The following COPS2 variants were observed in gnomAD, a reference collection of about 807,000 sequenced individuals.
The protein encoded by COPS2 is COP9 signalosome subunit 2.
COPS2 carries 10 observed loss-of-function variants against 66.1 expected under a neutral mutation model. The ratio of observed to expected loss-of-function variants is 0.15; its 90% CI spans 0.09 to 0.26. The LOEUF is 0.26. COPS2 is among the 10% of genes least tolerant of loss of function. COPS2 has a pLI of 1.00. For synonymous variants in COPS2, 179 were observed against 171.3 expected, an observed-to-expected ratio of 1.04 and a Z score of -0.35; for missense variants, 215 against 513.3, an observed-to-expected ratio of 0.42 and a Z score of 5.62.
chr15:49,132,709 A>G (rs935354375), intron 9 of COPS2, among the ~76,000 whole-genome samples: 4 of 151,994 alleles, frequency 2.6e-5, no homozygotes, highest in Admixed American at 6.6e-5. Flanking sequence ...TTAATGAATA[A>G]AACCCACAAA....
In COPS2 at chr15:49,123,200, A is replaced by G. The variant is rs2084138218; in HGVS notation, c.*4750T>C. The G allele has an allele frequency of 6.6e-6, 1 of 152,240 alleles. No homozygotes were observed. The highest frequency in any genetic ancestry group is 1.5e-5 in the Non-Finnish European group (1 of 68,034). The allele number at this position is 152,240 out of a possible 1,614,324, so 9.4% of individuals were successfully genotyped here. On this transcript the variant is annotated 3_prime_UTR_variant, in exon 13 of 13. Transcript: ENST00000388901. ...CACTTGGCATTAATATGTTGCTAAT[A>G]AGCATGCCAAAACTTTTGACAACTT... is the stretch of plus-strand genomic sequence containing the variant.
intron 9 of COPS2, 84 bp downstream of exon 9, chr15:49,133,675 A>G (rs1467842696): frequency 5.7e-6 from 5 of 874,468 alleles, no homozygotes; most frequent in Non-Finnish European, 9.0e-6. Flanking sequence ...GTTGAATATT[A>G]ACTGAGTTCT....
intron 6 of COPS2, among the ~76,000 whole-genome samples, chr15:49,135,208 G>C (rs1387762270): frequency 6.6e-6 from 1 of 152,200 alleles, no homozygotes; most frequent in African/African-American, 2.4e-5. Flanking sequence ...GCAATCTGTG[G>C]ATAAGGGTTG....
chr15:49,137,094 C>T, intron 6 of COPS2, 56 bp downstream of exon 6: 1 of 1,068,656 alleles, frequency 9.4e-7, no homozygotes, highest in South Asian at 1.5e-5. Flanking sequence ...ATAATTATTG[C>T]TTATACTTTT....
At chr15:49,135,099 T>C (rs910761407) in intron 6 of COPS2, among the ~76,000 whole-genome samples, 23 of 152,204 alleles carry the variant, frequency 1.5e-4, no homozygotes, top group Admixed American at 5.2e-4. Context: ...AACAATATAC[T>C]GTAATAAAAG....
At chr15:49,143,000 A>C (rs1248825757) in intron 3 of COPS2, among the ~76,000 whole-genome samples, 2 of 152,216 alleles carry the variant, frequency 1.3e-5, no homozygotes, top group Non-Finnish European at 2.9e-5. Flanking sequence ...AGCAAAGAAG[A>C]AATTTAAGTG....
chr15:49,123,570 C>T lies in COPS2; in HGVS notation c.*4380G>A, dbSNP rs1383193100. The T allele has an allele frequency of 1.3e-5, 2 of 152,128 alleles. No homozygotes were observed. Among genetic ancestry groups the T allele is most frequent in the Non-Finnish European group, 2.9e-5 (2 of 68,018 alleles). The allele number at this position is 152,128 out of a possible 1,614,324, so 9.4% of individuals were successfully genotyped here. On this transcript the variant is annotated 3_prime_UTR_variant, in exon 13 of 13. Transcript: ENST00000388901. The stretch of plus-strand genomic sequence containing the variant: ...TATTACATATGTATACATATGCACA[C>T]AAAAAAGTTTTGGTCAGCTATTCAT...
intron 1 of COPS2, among the ~76,000 whole-genome samples, chr15:49,153,842 C>G (rs1460894799): frequency 1.3e-5 from 2 of 151,878 alleles, no homozygotes; most frequent in Admixed American, 6.6e-5. Context: ...AAGTTGATTT[C>G]ACGGTGGTAG....
intron 1 of COPS2, among the ~76,000 whole-genome samples, chr15:49,147,458 C>G (rs1020175916): frequency 6.6e-5 from 10 of 152,156 alleles, no homozygotes; most frequent in African/African-American, 2.4e-4. Flanking sequence ...GAAAGGTATA[C>G]ATGACAACAG....
chr15:49,146,577 C>T (rs371236574), intron 1 of COPS2, among the ~76,000 whole-genome samples: 46 of 152,168 alleles, frequency 3.0e-4, no homozygotes, highest in African/African-American at 1.1e-3. Flanking sequence ...ACAGCATAAA[C>T]AATGAAAGGT....
chr15:49,135,593 G>A (rs1566883003), intron 6 of COPS2, among the ~76,000 whole-genome samples: 1 of 152,130 alleles, frequency 6.6e-6, no homozygotes, highest in Non-Finnish European at 1.5e-5. Flanking sequence ...TGACTTTAAA[G>A]TTGACCAACA....
chr15:49,133,700 C>T, intron 9 of COPS2, 59 bp downstream of exon 9: 1 of 1,221,484 alleles, frequency 8.2e-7, no homozygotes, highest in Non-Finnish European at 1.2e-6. Context: ...AGTTTTCTCA[C>T]TCTTTCCTTT....
intron 12 of COPS2, 79 bp from the exon 13 acceptor site, chr15:49,128,173 A>T: frequency 7.1e-7 from 1 of 1,401,678 alleles, no homozygotes; most frequent in Admixed American, 2.2e-5. Context: ...CATAAAATAC[A>T]GTATCAACAA....
At position 49,124,021 on chromosome 15, in the gene COPS2, G is replaced by A. The variant is rs1160194781; in HGVS notation, c.*3929C>T. The A allele has an allele frequency of 6.6e-6, 1 of 152,086 alleles. No individual in the cohort carries two copies. The highest frequency in any genetic ancestry group is 1.5e-5 in the Non-Finnish European group (1 of 68,038). The allele number at this position is 152,086 out of a possible 1,614,324, so 9.4% of individuals were successfully genotyped here. ...AAGTTACTATAAATTTAATAATCTC[G>A]AGTTAAAGAGAACCTCCAATTTGTC... On this transcript the variant is annotated 3_prime_UTR_variant, in exon 13 of 13. Transcript: ENST00000388901.
rs1182860686 is a variant in COPS2, at chr15:49,145,076, T to C, written c.57A>G (p.Glu19=). Residue 19 remains glutamate, a splice_region_variant and synonymous_variant, in exon 2 of 13, where the codon GAA becomes GAG. Transcript: ENST00000388901. ...GCTCGGAGTTACTATCTTCAGAGTA[T>C]TCCTGTGTTGGAAAGAAAGAAATAT... The part of the protein sequence containing the change: ...MCDDEEDYDL[E]YSEDSNSEPN... 2 of 1,465,254 alleles carry C rather than the reference T, an allele frequency of 1.4e-6. No homozygotes were observed. Among genetic ancestry groups the C allele is most frequent in the South Asian group, 1.3e-5 (1 of 78,546 alleles). 90.8% of individuals were successfully genotyped at this position (1,465,254 alleles called of 1,614,324 possible).
intron 1 of COPS2, among the ~76,000 whole-genome samples, chr15:49,150,988 T>C (rs2084356678): frequency 6.6e-6 from 1 of 152,194 alleles, no homozygotes; most frequent in South Asian, 2.1e-4. Flanking sequence ...ATCCCAACTA[T>C]GAGCTTGACT....
chr15:49,140,479 G>A lies in COPS2; in HGVS notation c.247-826C>T, dbSNP rs927514651. On this transcript the variant is annotated intron_variant, in intron 3 of 12. Coordinates refer to ENST00000388901, the MANE Select transcript of COPS2 (RefSeq NM_004236.4). ...ACAATTTTTTCAAGCCTCAATACTC[G>A]TTTCAAGTCAAGAAAAGACCCCCCA... is the stretch of plus-strand genomic sequence containing the variant. 9.9e-5 allele frequency among the ~76,000 whole-genome samples: 15 copies of A among 152,014 alleles called. 1 individual carries two copies. The South Asian group carries it at 2.7e-3, about 27-fold the overall frequency.
At chr15:49,150,052 T>C (rs550775030) in intron 1 of COPS2, among the ~76,000 whole-genome samples, 27 of 152,186 alleles carry the variant, frequency 1.8e-4, no homozygotes, top group South Asian at 6.2e-4. Flanking sequence ...CCCAGCACTT[T>C]GGGAGGCGGA....
At chr15:49,128,789 T>C (rs1171310134) in intron 11 of COPS2, 29 bp from the exon 12 acceptor site, 3 of 1,414,814 alleles carry the variant, frequency 2.1e-6, no homozygotes, top group African/African-American at 2.9e-5. Context: ...TATATACCAA[T>C]TAACATTTTA....
Sources: gnomAD v4.1 joint callset for allele counts (sites outside exome capture counted in the v4.1 genomes callset) on GRCh38, gnomAD v4.1.1 for gene constraint, MANE v1.5 for transcripts, NCBI Gene and HGNC (gene_info 2026-07-23, HGNC 2026-07-21) for gene names.